Variants in ARAP2 observed in about 807,000 individuals in gnomAD.
The protein encoded by ARAP2 is ArfGAP with RhoGAP domain, ankyrin repeat and PH domain 2, also known as arf-GAP with Rho-GAP domain, ANK repeat and PH domain-containing protein 2.
A neutral mutation model predicts 194.5 loss-of-function variants in ARAP2; 148 were observed. The observed-to-expected ratio is 0.76, with a 90% confidence interval of 0.67 to 0.87. The LOEUF (loss-of-function observed/expected upper bound fraction) is 0.87, where lower values mean the gene tolerates loss of function less well. Ranked by LOEUF, ARAP2 falls within the 40% of genes least tolerant of loss-of-function variation. The pLI, the probability that ARAP2 is intolerant of heterozygous loss-of-function variation, is 0.00. For synonymous variants in ARAP2, 695 were observed against 683.5 expected (o/e 1.02, Z -0.26); for missense variants, 2,128 against 1,989.7 (o/e 1.07, Z -1.32).
At chr4:36,204,987 CAAAAAAAAAAAAAAAAA>C (rs754960122) in intron 6 of ARAP2, among the ~76,000 whole-genome samples, 5 of 35,084 alleles carry the variant, frequency 1.4e-4, no homozygotes, top group African/African-American at 6.7e-4. Flanking sequence ...GACTCCATCT[CAAAAAAAAAAAAAAAAA>C]AAAAAAAAAA....
intron 6 of ARAP2, among the ~76,000 whole-genome samples, chr4:36,017,563 G>GAAAAAAA (rs1560270898): frequency 1.5e-4 from 1 of 6,520 alleles, no homozygotes; most frequent in African/African-American, 1.5e-3. Flanking sequence ...TAAGAAAGTG[G>GAAAAAAA]TAAAAAAAAA....
At chr4:36,007,490 A>G (rs1406052396) in intron 9 of ARAP2, among the ~76,000 whole-genome samples, 1 of 152,204 alleles carries the variant, frequency 6.6e-6, no homozygotes, top group Non-Finnish European at 1.5e-5. Context: ...AGCTACCAGA[A>G]ATTGGAAGAG....
At chr4:36,082,342 A>G in intron 29 of ARAP2, 56 bp from the exon 30 acceptor site, 1 of 1,516,708 alleles carries the variant, frequency 6.6e-7, no homozygotes, top group East Asian at 2.4e-5. Flanking sequence ...ATTTTACAAG[A>G]CAGAAAACAG....
intron 31 of ARAP2, among the ~76,000 whole-genome samples, chr4:36,074,558 G>C (rs1364979469): frequency 6.6e-6 from 1 of 151,942 alleles, no homozygotes; most frequent in South Asian, 2.1e-4. Context: ...AAAGAATTTT[G>C]TACTCCCCAG....
intron 9 of ARAP2, among the ~76,000 whole-genome samples, chr4:36,010,244 T>A (rs964674245): frequency 6.6e-6 from 1 of 151,386 alleles, no homozygotes; most frequent in Non-Finnish European, 1.5e-5. Context: ...CTGATATAGG[T>A]GAGCATTTTT....
chr4:36,026,867 G>A (rs1277844685), intron 5 of ARAP2, among the ~76,000 whole-genome samples: 1 of 152,188 alleles, frequency 6.6e-6, no homozygotes. Context: ...TGTCACGTGC[G>A]CCAGCAGGGC....
rs1746573250 is a variant in ARAP2 at position 36,210,734 on chromosome 4, A to G, written c.1143T>C (p.Asp381=). The change falls in exon 6 of 33, where the codon GAT becomes GAC. Residue 381 remains aspartate, a synonymous_variant. Coordinates refer to ENST00000303965, the MANE Select transcript of ARAP2 (RefSeq NM_015230.4). ...CCTCGCTTATTTTCTCCTTTCTGTTATCGTATATGCTAAACGGAAAAATGA... is the reference window on the plus strand; with the variant it reads ...CCTCGCTTATTTTCTCCTTTCTGTTGTCGTATATGCTAAACGGAAAAATGA... ...NSFIIKSSIY[D]NRKEKISEDK... is the part of the protein sequence containing the mutation. 1 of 1,595,860 alleles carries G rather than the reference A, an allele frequency of 6.3e-7. No homozygotes were observed. The highest frequency in any genetic ancestry group is 8.5e-7 in the Non-Finnish European group (1 of 1,173,216).
At chr4:36,011,245 A>C (rs1213336471) in intron 9 of ARAP2, among the ~76,000 whole-genome samples, 3 of 151,950 alleles carry the variant, frequency 2.0e-5, no homozygotes, top group African/African-American at 7.3e-5. Flanking sequence ...CTACTGTAAA[A>C]CCTCAACCAC....
intron 19 of ARAP2, among the ~76,000 whole-genome samples, chr4:36,144,238 T>A (rs1281615730): frequency 6.6e-6 from 1 of 151,956 alleles, no homozygotes; most frequent in Non-Finnish European, 1.5e-5. Context: ...GTTAAGCTGA[T>A]ACTTGTCTAT....
chr4:36,200,909 A>G (rs889965236), intron 6 of ARAP2, among the ~76,000 whole-genome samples: 11 of 152,240 alleles, frequency 7.2e-5, no homozygotes, highest in Admixed American at 5.9e-4. Context: ...TTTGCTTCAC[A>G]AATTTTAAAA....
chr4:36,008,159 C>T (rs904599066), intron 9 of ARAP2, among the ~76,000 whole-genome samples: 2 of 152,024 alleles, frequency 1.3e-5, no homozygotes, highest in Admixed American at 6.6e-5. Context: ...TATCAAATTA[C>T]TAATGTCATT....
chr4:36,187,535 T>C lies in ARAP2; in HGVS notation c.1594A>G (p.Ile532Val), dbSNP rs116105213. The change falls in exon 8 of 33, where the codon ATA (isoleucine) becomes GTA (valine). Residue 532 changes from isoleucine to valine, a missense_variant. Transcript: ENST00000303965. ...YSKGIIPLSA[I>V]STVRVQGDNK... ...TCTCCTTGAACTCGTACTGTTGATA[T>C]AGCAGAAAGGGGAATTATTCCTTTC... 17,419 of 1,568,424 alleles carry C rather than the reference T, an allele frequency of 0.011. 257 individuals are homozygous for C. Among genetic ancestry groups the C allele is most frequent in the South Asian group, 0.025 (2,003 of 81,024 alleles).
Position 36,082,251 on chromosome 4 carries a change from CA to C in ARAP2, c.4543del (p.Trp1515GlyfsTer15). The C allele has an allele frequency of 6.2e-7, 1 of 1,610,344 alleles. No homozygotes were observed. The highest frequency in any genetic ancestry group is 8.5e-7 in the Non-Finnish European group (1 of 1,178,328). ...CAAAAGTTGTCAGCTGTTAACTTACCAGTGATGTTTCTCAGAATATGCGGTC... is the reference window on the plus strand; with the variant it reads ...CAAAAGTTGTCAGCTGTTAACTTACCGTGATGTTTCTCAGAATATGCGGTC... The part of the protein sequence containing the change: ...GLTAYSEKHH[W>X]HLCCDSSRTQ... On this transcript the variant is annotated frameshift_variant and splice_region_variant, in exon 30 of 33. Coordinates refer to ENST00000303965, the MANE Select transcript of ARAP2 (RefSeq NM_015230.4). LOFTEE classifies it high-confidence loss of function.
rs1233247869 is a variant in ARAP2, at chr4:36,148,406, T to C, written c.2999A>G (p.Lys1000Arg). Reference sequence around the variant, plus strand: ...AGCAGTAACATAATATTTAAATACCTTGGCTATTGCCTCTGTCCATTTTCT... The same window carrying C: ...AGCAGTAACATAATATTTAAATACCCTGGCTATTGCCTCTGTCCATTTTCT... ...AQRKWTEAIA[K>R]HFVPLFAENL... is the part of the protein sequence containing the mutation. Residue 1000 changes from lysine (K) to arginine (R), a missense_variant and splice_region_variant, in exon 17 of 33, where the codon AAG becomes AGG. Lys to Arg is a conservative substitution (Grantham distance 26). Coordinates refer to ENST00000303965, the MANE Select transcript of ARAP2 (RefSeq NM_015230.4). 1 of 1,610,186 alleles carries C rather than the reference T, an allele frequency of 6.2e-7. No homozygotes were observed. Among genetic ancestry groups the C allele is most frequent in the South Asian group, 1.1e-5 (1 of 90,814 alleles).
chr4:36,047,862 A>G (rs1000181000), intron 3 of ARAP2, among the ~76,000 whole-genome samples: 1 of 152,228 alleles, frequency 6.6e-6, no homozygotes, highest in Non-Finnish European at 1.5e-5. Context: ...TCCCAAAGCC[A>G]CACAATTGAA....
chr4:36,134,320 C>G (rs191064823), intron 19 of ARAP2, among the ~76,000 whole-genome samples: 241 of 151,842 alleles, frequency 1.6e-3, no homozygotes, highest in African/African-American at 5.4e-3. Flanking sequence ...AAATTTTCCA[C>G]GTACCCCACG....
At chr4:36,175,629 T>C (rs1737722128) in intron 9 of ARAP2, among the ~76,000 whole-genome samples, 1 of 152,140 alleles carries the variant, frequency 6.6e-6, no homozygotes, top group Admixed American at 6.6e-5. Flanking sequence ...AACAATAGTA[T>C]ACATTTTAAA....
intron 3 of ARAP2, among the ~76,000 whole-genome samples, chr4:36,051,040 G>A (rs567750684): frequency 2.6e-5 from 4 of 152,224 alleles, no homozygotes; most frequent in South Asian, 2.1e-4. Context: ...ACTATCTCAC[G>A]TATCATGAAG....
At chr4:36,027,270 A>G (rs1223068626) in intron 5 of ARAP2, among the ~76,000 whole-genome samples, 1 of 152,076 alleles carries the variant, frequency 6.6e-6, no homozygotes, top group Non-Finnish European at 1.5e-5. Flanking sequence ...AAGCACAGAG[A>G]GCAAAGGTAA....
Sources: allele counts gnomAD v4.1 joint callset (sites outside exome capture counted in the v4.1 genomes callset), GRCh38; gene constraint gnomAD v4.1.1; transcripts MANE v1.5; gene names NCBI Gene and HGNC (gene_info 2026-07-23, HGNC 2026-07-21).